Variants in YME1L1 observed in about 807,000 individuals in gnomAD.
YME1L1 encodes ATP-dependent zinc metalloprotease YME1L1.
A neutral mutation model predicts 90.4 loss-of-function variants in YME1L1; 39 were observed. The observed-to-expected ratio is 0.43, with a 90% CI of 0.33 to 0.56. YME1L1 has a LOEUF of 0.56. Ranked by LOEUF, YME1L1 falls within the 20% of genes least tolerant of loss-of-function variation. YME1L1 has a pLI of 0.03. For synonymous variants in YME1L1, 284 were observed against 287.3 expected (o/e 0.99, Z 0.12); for missense variants, 617 against 868.4 (o/e 0.71, Z 3.64).
chr10:27,147,403 G>C, intron 2 of YME1L1: 1 of 1,600,532 alleles, frequency 6.2e-7, no homozygotes, highest in Non-Finnish European at 8.6e-7. Context: ...GATGGAACAA[G>C]TGAAAGATGG....
chr10:27,116,396 C>A (rs547636173), intron 15 of YME1L1, 51 bp from the exon 16 acceptor site: 4 of 1,597,598 alleles, frequency 2.5e-6, no homozygotes, highest in Admixed American at 3.4e-5. Flanking sequence ...AGGCTGGGTG[C>A]GGTGGCTCAC....
intron 13 of YME1L1, 41 bp downstream of exon 13, chr10:27,120,394 A>T: frequency 6.9e-7 from 1 of 1,448,990 alleles, no homozygotes; most frequent in Non-Finnish European, 9.7e-7. Flanking sequence ...GTGGTATATT[A>T]CCACTTTACA....
chr10:27,139,619 G>A (rs2057065103), intron 4 of YME1L1, among the ~76,000 whole-genome samples: 1 of 152,136 alleles, frequency 6.6e-6, no homozygotes, highest in Admixed American at 6.5e-5. Context: ...TAGTGCCTCT[G>A]GGGCAAAGGG....
intron 4 of YME1L1, among the ~76,000 whole-genome samples, chr10:27,137,161 C>A (rs932261973): frequency 6.6e-6 from 1 of 152,132 alleles, no homozygotes; most frequent in African/African-American, 2.4e-5. Context: ...ATTTCTCAAG[C>A]CCCAATCCCA....
chr10:27,111,960 C>G lies in YME1L1; in HGVS notation c.*17G>C. ...TTCTTGCAATAAAACCAGCAAGCATCCATATCAAGAGAGTTATCATCTCAC... is the reference window on the plus strand; with the variant it reads ...TTCTTGCAATAAAACCAGCAAGCATGCATATCAAGAGAGTTATCATCTCAC... On this transcript the variant is annotated 3_prime_UTR_variant, in exon 19 of 19. Coordinates refer to ENST00000376016, the MANE Select transcript of YME1L1 (RefSeq NM_014263.4). 6.2e-7 allele frequency: 1 copy of G among 1,613,826 alleles called. No homozygotes were observed. The highest frequency in any genetic ancestry group is 8.5e-7 in the Non-Finnish European group (1 of 1,179,922).
At chr10:27,116,464 C>G in intron 15 of YME1L1, 119 bp from the exon 16 acceptor site, 1 of 1,044,950 alleles carries the variant, frequency 9.6e-7, no homozygotes, top group Non-Finnish European at 1.4e-6. Flanking sequence ...GTTGGGAGTT[C>G]GAGACCAGCC....
At chr10:27,133,900 C>A (rs2057000359) in intron 7 of YME1L1, 139 bp downstream of exon 7, 2 of 486,008 alleles carry the variant, frequency 4.1e-6, no homozygotes, top group Non-Finnish European at 7.1e-6. Flanking sequence ...GGGAAACTAA[C>A]CACTACTAGG....
chr10:27,137,842 T>C (rs2057045328), intron 4 of YME1L1, among the ~76,000 whole-genome samples: 1 of 152,160 alleles, frequency 6.6e-6, no homozygotes, highest in Non-Finnish European at 1.5e-5. Flanking sequence ...TTTAGTTATA[T>C]ATATTGTAAA....
At chr10:27,150,037 T>C (rs957238831) in intron 1 of YME1L1, among the ~76,000 whole-genome samples, 2 of 151,802 alleles carry the variant, frequency 1.3e-5, no homozygotes, top group African/African-American at 4.8e-5. Context: ...GATCATGCCA[T>C]TGCATTCCAG....
chr10:27,128,776 G>A (rs1284490963), intron 8 of YME1L1, among the ~76,000 whole-genome samples: 1 of 151,788 alleles, frequency 6.6e-6, no homozygotes, highest in East Asian at 1.9e-4. Context: ...AGGCATAGGG[G>A]CACACGCCTG....
intron 4 of YME1L1, among the ~76,000 whole-genome samples, chr10:27,141,910 T>A (rs2057091594): frequency 6.6e-6 from 1 of 152,234 alleles, no homozygotes. Flanking sequence ...TCACCTGACA[T>A]CTATCACTAG....
At chr10:27,125,003 T>C (rs16927570) in intron 9 of YME1L1, among the ~76,000 whole-genome samples, 3,545 of 152,328 alleles carry the variant, frequency 0.023, 135 homozygotes, top group African/African-American at 0.081. Context: ...ATTTAATAAA[T>C]GTACCCTAAA....
intron 3 of YME1L1, among the ~76,000 whole-genome samples, chr10:27,142,915 C>T (rs931093559): frequency 1.3e-5 from 2 of 152,000 alleles, no homozygotes; most frequent in African/African-American, 4.8e-5. Context: ...CGGGGTTTCA[C>T]TGTGTTAGCC....
intron 2 of YME1L1, among the ~76,000 whole-genome samples, chr10:27,148,128 T>C (rs1019677075): frequency 1.3e-5 from 2 of 151,434 alleles, no homozygotes; most frequent in African/African-American, 4.9e-5. Flanking sequence ...CTTAAATCCC[T>C]ACCTATTCCA....
In YME1L1 at chr10:27,111,494, A is replaced by C. The variant is rs1461579944; in HGVS notation, c.*483T>G. The stretch of plus-strand genomic sequence containing the variant: ...CAGATGTGAGCCATGGCACCATGCC[A>C]AAAGGCTATATTCCTGGCTCTGTGT... On this transcript the variant is annotated 3_prime_UTR_variant, in exon 19 of 19. Coordinates refer to ENST00000376016, the MANE Select transcript of YME1L1 (RefSeq NM_014263.4). 4 of 198,314 alleles carry C rather than the reference A, an allele frequency of 2.0e-5. No individual in the cohort carries two copies. In the East Asian group the frequency reaches 5.8e-4, roughly 29 times the overall value. The allele number at this position is 198,314 out of a possible 1,614,324, so 12.3% of individuals were successfully genotyped here. A position where few individuals can be genotyped will look rare whatever the true frequency, so the allele number is the denominator to read the frequency against.
At chr10:27,133,574 A>T (rs1233272848) in intron 7 of YME1L1, among the ~76,000 whole-genome samples, 2 of 152,200 alleles carry the variant, frequency 1.3e-5, no homozygotes, top group Non-Finnish European at 2.9e-5. Flanking sequence ...ATCTGTACAT[A>T]TCCTTAATAT....
At position 27,110,857 on chromosome 10, in the gene YME1L1, G is replaced by C. The variant is rs2056752404; in HGVS notation, c.*1120C>G. The C allele has an allele frequency of 6.6e-6, 1 of 152,012 alleles. No homozygotes were observed. The highest frequency in any genetic ancestry group is 1.5e-5 in the Non-Finnish European group (1 of 68,012). 9.4% of individuals were successfully genotyped at this position (152,012 alleles called of 1,614,324 possible). A position where few individuals can be genotyped will look rare whatever the true frequency, so the allele number is the denominator to read the frequency against. ...GAAAATGCACACAGCATTTCTGAAA[G>C]GTTATAATAATTTATTTAATTTTTT... On this transcript the variant is annotated 3_prime_UTR_variant, in exon 19 of 19. Coordinates refer to ENST00000376016, the MANE Select transcript of YME1L1 (RefSeq NM_014263.4).
chr10:27,118,890 T>C (rs1042689368), intron 14 of YME1L1, among the ~76,000 whole-genome samples: 2 of 152,194 alleles, frequency 1.3e-5, no homozygotes, highest in African/African-American at 2.4e-5. Context: ...TATAATTACA[T>C]AAGCAACTAG....
At chr10:27,128,838 G>A (rs1386263475) in intron 8 of YME1L1, among the ~76,000 whole-genome samples, 2 of 152,122 alleles carry the variant, frequency 1.3e-5, no homozygotes, top group East Asian at 1.9e-4. Flanking sequence ...GAGCCCAGGA[G>A]GAGGAGGTTG....
Sources: allele counts gnomAD v4.1 joint callset (sites outside exome capture counted in the v4.1 genomes callset), GRCh38; gene constraint gnomAD v4.1.1; transcripts MANE v1.5; gene names NCBI Gene and HGNC (gene_info 2026-07-23, HGNC 2026-07-21).